DNAI1: variants seen among roughly 807,000 people sequenced by gnomAD.
The protein encoded by DNAI1 is dynein, axonemal, intermediate polypeptide 1.
DNAI1 carries 67 observed loss-of-function variants against 92.0 expected under a neutral mutation model. The ratio of observed to expected loss-of-function variants is 0.73; its 90% CI spans 0.60 to 0.89. The LOEUF is 0.89. Ranked by LOEUF, DNAI1 falls within the 40% of genes least tolerant of loss-of-function variation. The probability of loss-of-function intolerance (pLI) is 0.00; values close to 1 mark genes in which losing one functional copy is unlikely to be tolerated. For synonymous variants in DNAI1, 323 were observed against 319.6 expected, an observed-to-expected ratio of 1.01 and a Z score of -0.11; for missense variants, 839 against 866.6, an observed-to-expected ratio of 0.97 and a Z score of 0.40.
At chr9:34,467,474 CACACACA>C (rs756307677) in intron 1 of DNAI1, among the ~76,000 whole-genome samples, 1 of 147,470 alleles carries the variant, frequency 6.8e-6, no homozygotes, top group Admixed American at 6.9e-5. Flanking sequence ...CACACACACA[CACACACA>C]CCACAAATTA....
chr9:34,506,011 A>G (rs934805038), intron 12 of DNAI1, among the ~76,000 whole-genome samples: 22 of 152,146 alleles, frequency 1.4e-4, no homozygotes, highest in Non-Finnish European at 1.6e-4. Flanking sequence ...TGAGTGGTCC[A>G]TTGTTGATTG....
chr9:34,497,072 A>G lies in DNAI1; in HGVS notation c.817-43A>G, dbSNP rs750319358. 6 of 1,481,386 alleles carry G rather than the reference A, an allele frequency of 4.1e-6. No homozygotes were observed. In the African/African-American group the frequency reaches 6.9e-5, roughly 17 times the overall value. 91.8% of individuals were successfully genotyped at this position (1,481,386 alleles called of 1,614,324 possible). A position where few individuals can be genotyped will look rare whatever the true frequency, so the allele number is the denominator to read the frequency against. ...ATGGCTCAGGACATATGACCTTGCT[A>G]AGTGCTGGTTTATGAGGACCTGAAG... On this transcript the variant is annotated intron_variant, in intron 9 of 19. Transcript: ENST00000242317.
At chr9:34,500,425 G>C (rs1251594786) in intron 10 of DNAI1, among the ~76,000 whole-genome samples, 2 of 152,160 alleles carry the variant, frequency 1.3e-5, no homozygotes, top group Non-Finnish European at 2.9e-5. Context: ...CTGCGAACCT[G>C]GGATTTTATC....
chr9:34,472,598 C>G (rs760425588), intron 1 of DNAI1, among the ~76,000 whole-genome samples: 62 of 152,218 alleles, frequency 4.1e-4, no homozygotes, highest in Non-Finnish European at 7.2e-4. Flanking sequence ...AAAAGTAATG[C>G]ATATTCACAT....
intron 19 of DNAI1, 40 bp from the exon 20 acceptor site, chr9:34,520,618 C>G: frequency 6.5e-7 from 1 of 1,529,608 alleles, no homozygotes; most frequent in South Asian, 1.2e-5. Context: ...AGAGGGGGGG[C>G]CCACCATTCC....
chr9:34,511,643 T>C (rs1041174765), intron 13 of DNAI1, among the ~76,000 whole-genome samples: 3 of 152,222 alleles, frequency 2.0e-5, no homozygotes, highest in African/African-American at 7.2e-5. Context: ...CGTAAGGGCT[T>C]CACATATAGT....
chr9:34,496,245 A>G (rs1358288402), intron 9 of DNAI1, among the ~76,000 whole-genome samples: 1 of 152,188 alleles, frequency 6.6e-6, no homozygotes, highest in Non-Finnish European at 1.5e-5. Flanking sequence ...GTGCGGCTCT[A>G]GAACCCATCC....
intron 1 of DNAI1, among the ~76,000 whole-genome samples, chr9:34,463,489 G>T (rs1482525812): frequency 6.6e-6 from 1 of 152,212 alleles, no homozygotes; most frequent in Non-Finnish European, 1.5e-5. Flanking sequence ...AAAATTGTGA[G>T]AGTGCCAACT....
chr9:34,485,101 A>G (rs749429290), intron 2 of DNAI1, 41 bp from the exon 3 acceptor site: 1 of 1,605,034 alleles, frequency 6.2e-7, no homozygotes, highest in Non-Finnish European at 8.5e-7. Context: ...TTGTCCAAGC[A>G]GAAAAGACAC....
At chr9:34,487,213 C>T (rs1039687840) in intron 4 of DNAI1, among the ~76,000 whole-genome samples, 3 of 151,602 alleles carry the variant, frequency 2.0e-5, no homozygotes, top group Non-Finnish European at 2.9e-5. Flanking sequence ...GACTGCGCCT[C>T]GCTCTGTCGC....
intron 1 of DNAI1, among the ~76,000 whole-genome samples, chr9:34,465,929 C>T (rs1824031000): frequency 6.6e-6 from 1 of 152,228 alleles, no homozygotes; most frequent in African/African-American, 2.4e-5. Context: ...TCTCACAACG[C>T]TTTGTCCTAC....
intron 1 of DNAI1, among the ~76,000 whole-genome samples, chr9:34,469,432 A>AT (rs111706306): frequency 0.18 from 26,745 of 147,994 alleles, 2,573 homozygotes; most frequent in East Asian, 0.33. Context: ...AGCCCAGCTA[A>AT]TTTTTTTTTT....
In DNAI1 at chr9:34,489,238, T is replaced by C. The variant is rs1824531949; in HGVS notation, c.262-85T>C. ...TTCCTTTAACAAAGATGGACTGTCT[T>C]TGATCTTAGAGAATGAAAGCAGATT... On this transcript the variant is annotated intron_variant, in intron 4 of 19. Coordinates refer to ENST00000242317, the MANE Select transcript of DNAI1 (RefSeq NM_012144.4). The C allele has an allele frequency of 2.6e-6, 4 of 1,533,628 alleles. No individual in the cohort carries two copies. In the African/African-American group the frequency reaches 5.5e-5, roughly 21 times the overall value.
At chr9:34,469,734 TG>T (rs1824104831) in intron 1 of DNAI1, among the ~76,000 whole-genome samples, 1 of 152,038 alleles carries the variant, frequency 6.6e-6, no homozygotes, top group Non-Finnish European at 1.5e-5. Flanking sequence ...CTCACCACCA[TG>T]GTGGCTAATT....
chr9:34,463,111 G>A (rs1458755009), intron 1 of DNAI1, among the ~76,000 whole-genome samples: 1 of 152,100 alleles, frequency 6.6e-6, no homozygotes, highest in Non-Finnish European at 1.5e-5. Flanking sequence ...TGGCATATGA[G>A]CAAAGACCTG....
intron 19 of DNAI1, 109 bp downstream of exon 19, chr9:34,517,576 C>A: frequency 7.7e-7 from 1 of 1,304,008 alleles, no homozygotes; most frequent in Non-Finnish European, 1.1e-6. Context: ...TGTGGGAGAC[C>A]CAGGGTAAGG....
chr9:34,492,569 G>C (rs542897198), intron 8 of DNAI1, among the ~76,000 whole-genome samples: 2 of 134,914 alleles, frequency 1.5e-5, no homozygotes, highest in South Asian at 4.7e-4. Context: ...ACCCAGGCTG[G>C]AGTGCAGTGG....
At chr9:34,517,176 A>G (rs1825184589) in intron 18 of DNAI1, 109 bp from the exon 19 acceptor site, 1 of 1,200,872 alleles carries the variant, frequency 8.3e-7, no homozygotes, top group South Asian at 1.3e-5. Flanking sequence ...CCAGTGTGCT[A>G]GCCATTAGCC....
chr9:34,463,090 T>C (rs1015533104), intron 1 of DNAI1, among the ~76,000 whole-genome samples: 2 of 151,554 alleles, frequency 1.3e-5, no homozygotes, highest in African/African-American at 4.9e-5. Flanking sequence ...ACAGGGAAGG[T>C]GTTACAGAGG....
Sources: allele counts gnomAD v4.1 joint callset (sites outside exome capture counted in the v4.1 genomes callset), GRCh38; gene constraint gnomAD v4.1.1; transcripts MANE v1.5; gene names NCBI Gene and HGNC (gene_info 2026-07-23, HGNC 2026-07-21).